The following COA1 variants were observed in gnomAD, a reference collection of about 807,000 sequenced individuals.
The protein encoded by COA1 is cytochrome c oxidase assembly factor 1 homolog.
A neutral mutation model predicts 16.0 loss-of-function variants in COA1; 13 were observed. The observed-to-expected ratio is 0.81, with a 90% CI of 0.53 to 1.29. COA1 has a LOEUF of 1.29. Ranked by LOEUF, COA1 falls within the 50% of genes most tolerant of loss-of-function variation. The probability of loss-of-function intolerance (pLI) is 0.00; values close to 1 mark genes in which losing one functional copy is unlikely to be tolerated. For synonymous variants in COA1, 65 were observed against 65.7 expected (o/e 0.99, Z 0.05); for missense variants, 179 against 177.0 (o/e 1.01, Z -0.06).
At chr7:43,648,714 C>T in intron 1 of COA1, 62 bp from the exon 2 acceptor site, 1 of 1,222,970 alleles carries the variant, frequency 8.2e-7, no homozygotes, top group South Asian at 1.4e-5. Flanking sequence ...TCTCTAGTCT[C>T]ATACAGCCAA....
chr7:43,624,616 C>G, intron 6 of COA1: 1 of 1,614,062 alleles, frequency 6.2e-7, no homozygotes. Flanking sequence ...CTAGAAGAAG[C>G]AAATGCCCTC....
intron 1 of COA1, among the ~76,000 whole-genome samples, chr7:43,695,080 A>G (rs1196025957): frequency 6.6e-6 from 1 of 151,968 alleles, no homozygotes; most frequent in Non-Finnish European, 1.5e-5. Flanking sequence ...CATTGTCCAC[A>G]CTCTTAGACT....
intron 2 of COA1, chr7:43,647,978 CTT>C (rs374896571): frequency 3.8e-6 from 1 of 264,830 alleles, no homozygotes; most frequent in African/African-American, 2.2e-5. Flanking sequence ...AGCACAACCA[CTT>C]TGTCTCAGGC....
intron 1 of COA1, among the ~76,000 whole-genome samples, chr7:43,689,304 C>T (rs1038476003): frequency 2.0e-5 from 3 of 152,160 alleles, no homozygotes; most frequent in African/African-American, 7.2e-5. Context: ...GAGGAACTCT[C>T]CATTCAACCA....
chr7:43,616,786 A>G (rs2083392064), intron 6 of COA1, among the ~76,000 whole-genome samples: 1 of 152,074 alleles, frequency 6.6e-6, no homozygotes, highest in South Asian at 2.1e-4. Context: ...AGTCCCAGCT[A>G]CTCGGGAGGC....
intron 6 of COA1, chr7:43,619,700 T>C (rs1266230649): frequency 6.2e-7 from 1 of 1,614,024 alleles, no homozygotes; most frequent in South Asian, 1.1e-5. Context: ...CTCCGAGAAA[T>C]TATGGGTACC....
chr7:43,719,566 T>C (rs2095465023), intron 1 of COA1, among the ~76,000 whole-genome samples: 1 of 152,228 alleles, frequency 6.6e-6, no homozygotes, highest in Non-Finnish European at 1.5e-5. Context: ...GTAATCACTG[T>C]CGAGTTCTAA....
intron 1 of COA1, among the ~76,000 whole-genome samples, chr7:43,705,242 C>T (rs767467769): frequency 2.0e-5 from 3 of 152,232 alleles, no homozygotes; most frequent in Non-Finnish European, 4.4e-5. Flanking sequence ...AGCAAAAGAA[C>T]TCTGGTGGGG....
intron 1 of COA1, among the ~76,000 whole-genome samples, chr7:43,691,277 GAAAGAAAGAAAGAAAGAAA>G (rs2094291621): frequency 1.0e-4 from 3 of 29,400 alleles, no homozygotes; most frequent in Non-Finnish European, 1.9e-4. Context: ...AAGAAAGAAA[GAAAGAAAGAAAGAAAGAAA>G]GAAAGAAAGA....
At chr7:43,720,844 G>A (rs925666456) in intron 1 of COA1, among the ~76,000 whole-genome samples, 1 of 152,204 alleles carries the variant, frequency 6.6e-6, no homozygotes, top group Admixed American at 6.5e-5. Context: ...GAAAACCTAT[G>A]AGTCACCTAA....
chr7:43,647,572 A>C lies in COA1; in HGVS notation c.78T>G (p.Tyr26Ter). The C allele has an allele frequency of 6.2e-7, 1 of 1,614,142 alleles. No individual in the cohort carries two copies. Among genetic ancestry groups the C allele is most frequent in the Non-Finnish European group, 8.5e-7 (1 of 1,179,952 alleles). ...GARILFHGVF[Y>*]AGGFAIVYYL... is the part of the protein sequence containing the mutation. ...AATACACAATGGCAAAGCCCCCGGC[A>C]TAGAACACACCGTGGAAAAGGATCC... Residue 26 changes from tyrosine (Y) to a stop codon, truncating the protein, a stop_gained, in exon 3 of 6, where the codon TAT (tyrosine) becomes TAG (stop). Transcript: ENST00000223336. LOFTEE classifies it high-confidence loss of function.
At chr7:43,693,543 T>G (rs964708652) in intron 1 of COA1, among the ~76,000 whole-genome samples, 1 of 152,084 alleles carries the variant, frequency 6.6e-6, no homozygotes, top group Non-Finnish European at 1.5e-5. Flanking sequence ...CCCACTCTCC[T>G]GCCATCCCTT....
rs140158736 is a variant in COA1, at chr7:43,658,535, A to G, written c.-38-9883T>C. Among the ~76,000 whole-genome samples the G allele has an allele frequency of 2.7e-3, 404 of 152,308 alleles. 3 individuals are homozygous for G. Among genetic ancestry groups the G allele is most frequent in the African/African-American group, 9.3e-3 (385 of 41,554 alleles). On this transcript the variant is annotated intron_variant, in intron 1 of 5. Transcript: ENST00000223336. ...TGAATGAAATCGAATTGTTTTCTAA[A>G]CTGTACTTTCTTAAGACCAAATAAC...
rs148967388 is a variant in COA1, at chr7:43,705,370, G to A, written c.-39+24059C>T. Among the ~76,000 whole-genome samples, 284 of 152,340 alleles carry A rather than the reference G, an allele frequency of 1.9e-3. 2 individuals carry two copies. The highest frequency in any genetic ancestry group is 6.8e-3 in the Middle Eastern group (2 of 294). ...CACGTGCCAGCAGGGGAAGGCTACC[G>A]GCAGGTGCACATTGGCAGGGGTCTG... On this transcript the variant is annotated intron_variant, in intron 1 of 5. Transcript: ENST00000223336.
At chr7:43,613,495 A>G (rs2083063745) in intron 6 of COA1, among the ~76,000 whole-genome samples, 1 of 152,178 alleles carries the variant, frequency 6.6e-6, no homozygotes, top group African/African-American at 2.4e-5. Flanking sequence ...TGGGACAACT[A>G]TACTAGGATT....
chr7:43,691,264 GA>G (rs1237936141), intron 1 of COA1, among the ~76,000 whole-genome samples: 4,396 of 29,770 alleles, frequency 0.15, 166 homozygotes, highest in Middle Eastern at 0.18. Flanking sequence ...AAGAAAGAAA[GA>G]AAAGAAAGAA....
intron 6 of COA1, among the ~76,000 whole-genome samples, chr7:43,610,346 CAAAA>C (rs138859141): frequency 7.0e-4 from 29 of 41,316 alleles, no homozygotes; most frequent in Non-Finnish European, 9.7e-4. Context: ...GACTCCGTCT[CAAAA>C]AAAAAAAAAA....
downstream of COA1, among the ~76,000 whole-genome samples, chr7:43,637,754 G>GCACTT (rs1244370158): frequency 1.3e-5 from 2 of 152,202 alleles, no homozygotes; most frequent in Admixed American, 6.5e-5. Context: ...AAATCAAGGA[G>GCACTT]CACTTCACTA....
downstream of COA1, among the ~76,000 whole-genome samples, chr7:43,636,326 C>T (rs933972481): frequency 2.0e-5 from 3 of 150,058 alleles, no homozygotes; most frequent in Admixed American, 1.3e-4. Flanking sequence ...ATCACCCTCC[C>T]ACCTCTTTCT....
Sources: gnomAD v4.1 joint callset for allele counts (sites outside exome capture counted in the v4.1 genomes callset) on GRCh38, gnomAD v4.1.1 for gene constraint, MANE v1.5 for transcripts, NCBI Gene and HGNC (gene_info 2026-07-23, HGNC 2026-07-21) for gene names.